The following EBF2 variants were observed in gnomAD, a reference collection of about 807,000 sequenced individuals.
The protein encoded by EBF2 is transcription factor COE2.
A neutral mutation model predicts 72.8 loss-of-function variants in EBF2; 21 were observed. That is an observed-to-expected ratio of 0.29 (90% confidence interval 0.20 to 0.42). EBF2 has a LOEUF of 0.42. EBF2 is among the 10% of genes least tolerant of loss of function. The pLI, the probability that EBF2 is intolerant of heterozygous loss-of-function variation, is 1.00. For missense variants in EBF2, 637 were observed against 731.2 expected (o/e 0.87, Z 1.49); for synonymous variants, 299 against 274.2 (o/e 1.09, Z -0.89).
chr8:26,017,589 C>A (rs1805131834), intron 6 of EBF2, among the ~76,000 whole-genome samples: 2 of 152,060 alleles, frequency 1.3e-5, no homozygotes, highest in Admixed American at 6.6e-5. Context: ...AGCCCTCATC[C>A]TTTTTATAGT....
At chr8:26,042,898 A>C (rs1805629029) in intron 1 of EBF2, among the ~76,000 whole-genome samples, 1 of 152,170 alleles carries the variant, frequency 6.6e-6, no homozygotes, top group African/African-American at 2.4e-5. Flanking sequence ...TGCCTGGGAC[A>C]GAGACAGGGC....
Position 26,042,123 on chromosome 8 carries a change from G to T in EBF2, c.260C>A (p.Ala87Asp). The T allele has an allele frequency of 6.2e-7, 1 of 1,614,146 alleles. No individual in the cohort carries two copies. The highest frequency in any genetic ancestry group is 1.7e-5 in the Admixed American group (1 of 60,016). Reference sequence around the variant, plus strand: ...GTCATTCTCCACAAAGTCCACGAAGGCCGTCCGCTCGATCTCCACCGGCTG... The same window carrying T: ...GTCATTCTCCACAAAGTCCACGAAGTCCGTCCGCTCGATCTCCACCGGCTG... Reference protein sequence around the residue: ...QGQPVEIERTAFVDFVENDKE... With the variant: ...QGQPVEIERTDFVDFVENDKE... The change falls in exon 2 of 16, where the codon GCC becomes GAC. Residue 87 changes from alanine to aspartate, a missense_variant. Transcript: ENST00000520164.
chr8:25,954,165 G>A (rs1231638344), intron 6 of EBF2, among the ~76,000 whole-genome samples: 1 of 152,224 alleles, frequency 6.6e-6, no homozygotes, highest in African/African-American at 2.4e-5. Context: ...CATATTAAGG[G>A]TATGTGTGGG....
At position 25,854,772 on chromosome 8, in the gene EBF2, G is replaced by A. The variant is rs148643461; in HGVS notation, c.1528+3547C>T. Among the ~76,000 whole-genome samples the A allele has an allele frequency of 4.9e-3, 747 of 151,952 alleles. 5 individuals carry two copies. The highest frequency in any genetic ancestry group is 0.017 in the African/African-American group (712 of 41,426). ...TATTTTTATACATTCTACATTTTCT[G>A]TAATAATAATTTAATATTTTACAAT... On this transcript the variant is annotated intron_variant, in intron 14 of 15. Coordinates refer to ENST00000520164, the MANE Select transcript of EBF2 (RefSeq NM_022659.4).
chr8:25,958,665 C>T (rs760520964), intron 6 of EBF2, among the ~76,000 whole-genome samples: 19 of 152,182 alleles, frequency 1.2e-4, no homozygotes, highest in Non-Finnish European at 2.6e-4. Context: ...AGGAAGGTTC[C>T]CTGTTGAGTG....
At chr8:25,903,160 G>A (rs539631179) in intron 7 of EBF2, among the ~76,000 whole-genome samples, 29 of 151,744 alleles carry the variant, frequency 1.9e-4, no homozygotes, top group African/African-American at 6.5e-4. Flanking sequence ...CAGGGTAAAT[G>A]CGGCATCCTC....
At chr8:25,976,242 C>G (rs1804265723) in intron 6 of EBF2, among the ~76,000 whole-genome samples, 1 of 152,184 alleles carries the variant, frequency 6.6e-6, no homozygotes, top group African/African-American at 2.4e-5. Flanking sequence ...GAATCAAGGT[C>G]TTGAAACCAC....
chr8:25,997,898 A>T (rs568635880), intron 6 of EBF2, among the ~76,000 whole-genome samples: 1 of 152,314 alleles, frequency 6.6e-6, no homozygotes, highest in South Asian at 2.1e-4. Flanking sequence ...TAATAAAAAG[A>T]GCTAACATTA....
rs565891796 is a variant in EBF2, at chr8:25,956,148, G to C, written c.552-47593C>G. ...TTAAAAAAATTGCTGGCCGGGTTCA[G>C]TGGCTTATGCCTGTAATCCCAGCAC... On this transcript the variant is annotated intron_variant, in intron 6 of 15. Coordinates refer to ENST00000520164, the MANE Select transcript of EBF2 (RefSeq NM_022659.4). Among the ~76,000 whole-genome samples the C allele has an allele frequency of 1.5e-3, 222 of 152,248 alleles. 2 individuals are homozygous for C. The highest frequency in any genetic ancestry group is 5.1e-3 in the African/African-American group (212 of 41,586).
chr8:25,874,853 CTTTTTTTTTT>C (rs1183233269), intron 10 of EBF2, among the ~76,000 whole-genome samples: 1 of 99,558 alleles, frequency 1.0e-5, no homozygotes, highest in African/African-American at 4.7e-5. Flanking sequence ...GCCTGGCTAA[CTTTTTTTTTT>C]TTTTTTTTTT....
intron 6 of EBF2, among the ~76,000 whole-genome samples, chr8:25,988,295 C>G (rs1021998969): frequency 6.6e-6 from 1 of 152,234 alleles, no homozygotes; most frequent in Non-Finnish European, 1.5e-5. Flanking sequence ...CCATTAGTCC[C>G]TATGTCCCAG....
chr8:25,965,609 A>G (rs547934676), intron 6 of EBF2, among the ~76,000 whole-genome samples: 1 of 152,324 alleles, frequency 6.6e-6, no homozygotes, highest in East Asian at 1.9e-4. Context: ...CAGAGATGGT[A>G]CCAACTCAGA....
chr8:25,848,682 A>G (rs775651519), intron 15 of EBF2, among the ~76,000 whole-genome samples: 27 of 152,196 alleles, frequency 1.8e-4, no homozygotes, highest in Non-Finnish European at 3.5e-4. Context: ...GTGGAAGTCA[A>G]GTATCCTTTT....
At chr8:26,040,200 A>G in intron 4 of EBF2, 99 bp from the exon 5 acceptor site, 1 of 1,258,826 alleles carries the variant, frequency 7.9e-7, no homozygotes, top group Admixed American at 1.8e-5. Context: ...TTTCCCTCCC[A>G]CTACCTGCCA....
At chr8:26,011,474 T>C (rs1805021209) in intron 6 of EBF2, among the ~76,000 whole-genome samples, 1 of 140,714 alleles carries the variant, frequency 7.1e-6, no homozygotes, top group South Asian at 2.3e-4. Flanking sequence ...TTTTTTTTTT[T>C]CTCCCTGCCT....
At chr8:26,033,901 C>T (rs1012989398) in intron 5 of EBF2, among the ~76,000 whole-genome samples, 3 of 152,218 alleles carry the variant, frequency 2.0e-5, no homozygotes, top group Non-Finnish European at 1.5e-5. Flanking sequence ...CACTCTGTGA[C>T]TTAGAAGCTG....
At chr8:26,008,771 T>C (rs1484800958) in intron 6 of EBF2, among the ~76,000 whole-genome samples, 1 of 145,272 alleles carries the variant, frequency 6.9e-6, no homozygotes, top group Non-Finnish European at 1.5e-5. Flanking sequence ...TTACTCTGCA[T>C]AGAAATACAT....
chr8:25,918,082 C>A (rs1803253908), intron 6 of EBF2, among the ~76,000 whole-genome samples: 1 of 152,168 alleles, frequency 6.6e-6, no homozygotes, highest in African/African-American at 2.4e-5. Flanking sequence ...CAGGCTGGAG[C>A]ATTACTTTCC....
intron 6 of EBF2, among the ~76,000 whole-genome samples, chr8:26,027,713 C>A (rs1003894733): frequency 5.9e-5 from 9 of 151,990 alleles, no homozygotes; most frequent in Non-Finnish European, 1.0e-4. Context: ...AAGGTCAAAG[C>A]AACCCATTGC....
Sources: allele counts gnomAD v4.1 joint callset (sites outside exome capture counted in the v4.1 genomes callset), GRCh38; gene constraint gnomAD v4.1.1; transcripts MANE v1.5; gene names NCBI Gene and HGNC (gene_info 2026-07-23, HGNC 2026-07-21).